The following RUSC2 variants were observed in gnomAD, a reference collection of about 807,000 sequenced individuals.
RUSC2 encodes the protein RUN and SH3 domain containing 2.
Under a neutral mutation model 122.2 loss-of-function variants are expected in RUSC2, and 34 were observed. The ratio of observed to expected loss-of-function variants is 0.28; its 90% CI spans 0.21 to 0.37. The LOEUF (loss-of-function observed/expected upper bound fraction) is 0.37. RUSC2 is among the 10% of genes least tolerant of loss of function. RUSC2 has a pLI of 1.00. For synonymous variants in RUSC2, 784 were observed against 790.0 expected (o/e 0.99, Z 0.13); for missense variants, 1,747 against 1,952.4 (o/e 0.89, Z 1.98).
intron 1 of RUSC2, among the ~76,000 whole-genome samples, chr9:35,510,948 C>T (rs547050320): frequency 1.1e-4 from 16 of 152,296 alleles, no homozygotes; most frequent in South Asian, 2.1e-4. Flanking sequence ...ACAATGGGAG[C>T]ACAGAGTTAC....
chr9:35,531,007 C>T (rs1425592141), intron 1 of RUSC2, among the ~76,000 whole-genome samples: 1 of 152,026 alleles, frequency 6.6e-6, no homozygotes, highest in Non-Finnish European at 1.5e-5. Context: ...TGCCTGTAAT[C>T]CCAGCACTTT....
rs1373547647 is a variant in RUSC2, at chr9:35,548,246, C to T, written c.1725C>T (p.Pro575=). The T allele has an allele frequency of 6.2e-7, 1 of 1,613,830 alleles. No homozygotes were observed. Among genetic ancestry groups the T allele is most frequent in the Non-Finnish European group, 8.5e-7 (1 of 1,179,998 alleles). The change falls in exon 2 of 12, where the codon CCC becomes CCT. Residue 575 remains proline, a synonymous_variant. Transcript: ENST00000361226. The surrounding 1 kb of genome is among the most constrained non-coding windows in gnomAD (Gnocchi z 4.5). ...SVGDSSQEFS[P]IQEAQQDRGA... Reference sequence around the variant, plus strand: ...GGGACTCCTCCCAGGAGTTCTCACCCATCCAAGAAGCCCAGCAAGATCGGG... The same window carrying T: ...GGGACTCCTCCCAGGAGTTCTCACCTATCCAAGAAGCCCAGCAAGATCGGG...
chr9:35,531,565 A>G (rs1198437487), intron 1 of RUSC2, among the ~76,000 whole-genome samples: 1 of 152,230 alleles, frequency 6.6e-6, no homozygotes. Context: ...CCCAGCTTAG[A>G]CATTTACTGA....
chr9:35,504,065 G>A (rs1052810052), intron 1 of RUSC2, among the ~76,000 whole-genome samples: 7 of 152,100 alleles, frequency 4.6e-5, no homozygotes, highest in Non-Finnish European at 8.8e-5. Context: ...GTGAGCCACC[G>A]CTCCTGGCCA....
At chr9:35,541,194 C>T (rs1251305560) in intron 1 of RUSC2, among the ~76,000 whole-genome samples, 1 of 152,046 alleles carries the variant, frequency 6.6e-6, no homozygotes, top group Non-Finnish European at 1.5e-5. Context: ...GAGGGCTCAT[C>T]TTCTGAAAGA....
At chr9:35,531,413 A>G (rs1821416756) in intron 1 of RUSC2, among the ~76,000 whole-genome samples, 1 of 152,228 alleles carries the variant, frequency 6.6e-6, no homozygotes, top group Admixed American at 6.5e-5. Context: ...AGGTAAGAAA[A>G]CTAGTTAGAA....
chr9:35,536,668 C>A (rs548511126), intron 1 of RUSC2, among the ~76,000 whole-genome samples: 1 of 151,884 alleles, frequency 6.6e-6, no homozygotes, highest in Non-Finnish European at 1.5e-5. Flanking sequence ...AAAAACTTAG[C>A]CGGGGCATGG....
chr9:35,560,506 C>T lies in RUSC2; in HGVS notation c.3866C>T (p.Ser1289Phe). 1.2e-6 allele frequency: 2 copies of T among 1,614,178 alleles called. No homozygotes were observed. Among genetic ancestry groups the T allele is most frequent in the Middle Eastern group, 3.3e-4 (2 of 6,062 alleles). The change falls in exon 10 of 12, where the codon TCC (serine) becomes TTC (phenylalanine). Residue 1289 changes from serine to phenylalanine, a missense_variant. Ser to Phe is a radical substitution (Grantham distance 155). Transcript: ENST00000361226. ...QVYIDGSIEG[S>F]RFPRGSSNSS... ...TACATCGATGGCTCCATTGAGGGTT[C>T]CAGGTTCCCTCGTGGTAGCAGCAAC...
chr9:35,496,898 G>T (rs7040507), intron 1 of RUSC2, among the ~76,000 whole-genome samples: 5,182 of 152,234 alleles, frequency 0.034, 311 homozygotes, highest in African/African-American at 0.12. Flanking sequence ...CCTAGAGGAC[G>T]CTAAGGTTAA....
rs377210448 is a variant in RUSC2 at position 35,561,004 on chromosome 9, T to A, written c.4256T>A (p.Leu1419Gln). ...AGCCTGGACAAGTCCATGTTCCAAC[T>A]AGTGGCGCAGACAGTGGGTTCCCGC... ...WLSLDKSMFQ[L>Q]VAQTVGSRRE... is the part of the protein sequence containing the mutation. Residue 1419 changes from leucine (L) to glutamine (Q), a missense_variant, in exon 11 of 12, where the codon CTA (leucine) becomes CAA (glutamine). Leu to Gln is a moderately radical substitution (Grantham distance 113, BLOSUM62 -2). Transcript: ENST00000361226. The A allele has an allele frequency of 6.2e-7, 1 of 1,614,122 alleles. No individual in the cohort carries two copies.
intron 5 of RUSC2, 82 bp downstream of exon 5, chr9:35,556,530 A>ACCTCTAAGTGCTAGCTGGGC: frequency 7.5e-7 from 1 of 1,327,958 alleles, no homozygotes. Flanking sequence ...CCAGTCTGAA[A>ACCTCTAAGTGCTAGCTGGGC]CCTCTAAGTG....
chr9:35,520,062 G>A (rs944065767), intron 1 of RUSC2, among the ~76,000 whole-genome samples: 1 of 152,190 alleles, frequency 6.6e-6, no homozygotes, highest in Non-Finnish European at 1.5e-5. Flanking sequence ...AAATATATAA[G>A]TTACTCTCAC....
intron 1 of RUSC2, among the ~76,000 whole-genome samples, chr9:35,500,391 C>T (rs1450448824): frequency 1.3e-5 from 2 of 152,178 alleles, no homozygotes; most frequent in African/African-American, 4.8e-5. Flanking sequence ...TCAATTACCT[C>T]CCACCAGGTC....
chr9:35,502,348 G>A (rs1353126880), intron 1 of RUSC2, among the ~76,000 whole-genome samples: 2 of 152,062 alleles, frequency 1.3e-5, no homozygotes, highest in Non-Finnish European at 2.9e-5. Flanking sequence ...GTCAAATAGT[G>A]CCACTGTCTA....
At chr9:35,499,583 A>G (rs1820785182) in intron 1 of RUSC2, among the ~76,000 whole-genome samples, 1 of 152,218 alleles carries the variant, frequency 6.6e-6, no homozygotes, top group African/African-American at 2.4e-5. Flanking sequence ...GGGCCAGCCA[A>G]CTTCTGGCTA....
At chr9:35,506,928 C>G (rs561273929) in intron 1 of RUSC2, among the ~76,000 whole-genome samples, 1 of 152,116 alleles carries the variant, frequency 6.6e-6, no homozygotes, top group African/African-American at 2.4e-5. Context: ...CTAGCCTGAG[C>G]AACATAGTGA....
chr9:35,552,162 A>C (rs1237993577), intron 2 of RUSC2, among the ~76,000 whole-genome samples: 1 of 152,110 alleles, frequency 6.6e-6, no homozygotes, highest in African/African-American at 2.4e-5. Flanking sequence ...GGAGTTCGAG[A>C]CCAGCCTGGC....
intron 1 of RUSC2, among the ~76,000 whole-genome samples, chr9:35,541,910 AATT>A (rs1331621446): frequency 6.7e-6 from 1 of 148,608 alleles, no homozygotes; most frequent in Non-Finnish European, 1.5e-5. Flanking sequence ...AATTTTTTTA[AATT>A]ATTTTTATAT....
rs755112391 is a variant in RUSC2 at position 35,546,627 on chromosome 9, G to A, written c.106G>A (p.Gly36Ser). 2 of 1,565,564 alleles carry A rather than the reference G, an allele frequency of 1.3e-6. No homozygotes were observed. Among genetic ancestry groups the A allele is most frequent in the Non-Finnish European group, 1.7e-6 (2 of 1,156,934 alleles). Residue 36 changes from glycine to serine, a missense_variant, in exon 2 of 12, where the codon GGT becomes AGT. Coordinates refer to ENST00000361226, the MANE Select transcript of RUSC2 (RefSeq NM_014806.5). The surrounding 1 kb of genome is among the most constrained non-coding windows in gnomAD (Gnocchi z 4.3). ...GCAGTGCTGTGGAGGGGCAGGTGGAGGTGGTGGGAGCACAAGACCTAATCC... is the reference window on the plus strand; with the variant it reads ...GCAGTGCTGTGGAGGGGCAGGTGGAAGTGGTGGGAGCACAAGACCTAATCC... ...DRQCCGGAGG[G>S]GGSTRPNPFC...
Sources: gnomAD v4.1 joint callset for allele counts (sites outside exome capture counted in the v4.1 genomes callset) on GRCh38, gnomAD v4.1.1 for gene constraint, Gnocchi (gnomAD v3.1) non-coding constraint, MANE v1.5 for transcripts, NCBI Gene and HGNC (gene_info 2026-07-23, HGNC 2026-07-21) for gene names.